The following CBL variants were observed in gnomAD, a reference collection of about 807,000 sequenced individuals.
CBL encodes E3 ubiquitin-protein ligase CBL.
CBL carries 45 observed loss-of-function variants against 96.9 expected under a neutral mutation model. The observed-to-expected ratio is 0.46, with a 90% CI of 0.37 to 0.60. The LOEUF is 0.60. Among genes scored for constraint, CBL ranks in the 20% least tolerant of loss-of-function variants. CBL has a pLI of 0.00. For synonymous variants in CBL, 420 were observed against 426.8 expected (o/e 0.98, Z 0.20); for missense variants, 1,024 against 1,143.5 (o/e 0.90, Z 1.51).
intron 9 of CBL, among the ~76,000 whole-genome samples, chr11:119,283,674 T>C (rs1949957170): frequency 7.3e-6 from 1 of 136,380 alleles, no homozygotes; most frequent in Non-Finnish European, 1.5e-5. Context: ...GTCTTGCTCT[T>C]TTGCCCAGGC....
At chr11:119,286,601 CAGT>C (rs1406474920) in intron 11 of CBL, among the ~76,000 whole-genome samples, 1 of 151,998 alleles carries the variant, frequency 6.6e-6, no homozygotes, top group Non-Finnish European at 1.5e-5. Flanking sequence ...GAAATTTTGT[CAGT>C]AGGAGAAAGA....
rs1387946965 is a variant in CBL, at chr11:119,278,197, C to T, written c.1127C>T (p.Ser376Phe). 2.5e-6 allele frequency: 4 copies of T among 1,609,702 alleles called. No homozygotes were observed. Among genetic ancestry groups the T allele is most frequent in the Non-Finnish European group, 3.4e-6 (4 of 1,176,310 alleles). ...TATGAATTATACTGTGAGATGGGCT[C>T]CACATTCCAACTATGTAAAATATGT... is the stretch of plus-strand genomic sequence containing the variant. The part of the protein sequence containing the change: ...EQYELYCEMG[S>F]TFQLCKICAE... The change falls in exon 8 of 16, where the codon TCC becomes TTC. Residue 376 changes from serine (S) to phenylalanine (F), a missense_variant. By Grantham distance (155) the Ser-to-Phe change is radical. This residue lies in a region of CBL where 695 missense variants were observed against 661.6 expected (regional missense o/e 1.05). Coordinates refer to ENST00000264033, the MANE Select transcript of CBL (RefSeq NM_005188.4).
At chr11:119,274,658 G>T (rs971479805) in intron 4 of CBL, among the ~76,000 whole-genome samples, 174 bp from the exon 5 acceptor site, 4 of 151,798 alleles carry the variant, frequency 2.6e-5, no homozygotes, top group African/African-American at 9.7e-5. Context: ...TTTCTTCGTA[G>T]CTTTTCAGAG....
rs61294763 is a variant in CBL at position 119,288,476 on chromosome 11, C to CAGAGAG, written c.2036+543_2036+548dup. ...TGGCCATCCTCAGTGTTTGCACAGA[C>CAGAGAG]AGAGAGAGAGAGAGAGAGCACGCAC... On this transcript the variant is annotated intron_variant, in intron 12 of 15. Transcript: ENST00000264033. Among the ~76,000 whole-genome samples, 4 of 150,804 alleles carry CAGAGAG rather than the reference C, an allele frequency of 2.7e-5. No individual in the cohort carries two copies. In the South Asian group the frequency reaches 6.3e-4, roughly 24 times the overall value.
At chr11:119,230,887 A>G (rs1949497261) in intron 1 of CBL, among the ~76,000 whole-genome samples, 1 of 152,250 alleles carries the variant, frequency 6.6e-6, no homozygotes, top group Non-Finnish European at 1.5e-5. Flanking sequence ...AAAATGGACT[A>G]AACTTACCAG....
At chr11:119,273,716 T>C (rs1393386160) in intron 3 of CBL, 152 bp from the exon 4 acceptor site, 5 of 741,248 alleles carry the variant, frequency 6.7e-6, no homozygotes, top group Admixed American at 2.4e-5. Flanking sequence ...CCTTCTTTCT[T>C]TTCTTAAAGA....
intron 12 of CBL, among the ~76,000 whole-genome samples, chr11:119,294,376 C>G (rs193040524): frequency 1.1e-3 from 164 of 151,540 alleles, no homozygotes; most frequent in Non-Finnish European, 2.0e-3. Context: ...TTGCAGTGAG[C>G]CAAGATCACG....
intron 1 of CBL, among the ~76,000 whole-genome samples, chr11:119,228,276 G>GT (rs1388654688): frequency 1.3e-5 from 2 of 151,968 alleles, no homozygotes; most frequent in African/African-American, 2.4e-5. Context: ...TCTACTTAAT[G>GT]TTTTTTTATA....
In CBL at chr11:119,307,883, T is replaced by C. The variant is rs536173940; in HGVS notation, c.*8102T>C. The C allele has an allele frequency of 5.0e-6, 1 of 201,198 alleles. No homozygotes were observed. Among genetic ancestry groups the C allele is most frequent in the East Asian group, 7.7e-5 (1 of 13,048 alleles). 12.5% of individuals were successfully genotyped at this position (201,198 alleles called of 1,614,324 possible). A position where few individuals can be genotyped will look rare whatever the true frequency, so the allele number is the denominator to read the frequency against. ...GTGTCATTAATATAAAAAATTTATA[T>C]TAGCAGTATTTAATCATTCTCACCT... On this transcript the variant is annotated 3_prime_UTR_variant, in exon 16 of 16. Transcript: ENST00000264033.
In CBL at chr11:119,298,092, AC is replaced by A. The variant is rs1380326548; in HGVS notation, c.2252-265del. Among the ~76,000 whole-genome samples, 5 of 152,236 alleles carry A rather than the reference AC, an allele frequency of 3.3e-5. No homozygotes were observed. In the East Asian group the frequency reaches 9.6e-4, roughly 29 times the overall value. ...AATGTTTATTGAATGATCTGAGATG[AC>A]ACTGGAGTCATTGGCATCGGTGGCT... On this transcript the variant is annotated intron_variant, in intron 14 of 15. Transcript: ENST00000264033.
At chr11:119,285,588 A>G (rs1040719049) in intron 11 of CBL, 22 bp downstream of exon 11, 7 of 1,611,998 alleles carry the variant, frequency 4.3e-6, no homozygotes, top group South Asian at 1.1e-5. Context: ...TTTTGAAACT[A>G]TCTAACCTGT....
chr11:119,239,185 G>A (rs545282335), intron 2 of CBL, among the ~76,000 whole-genome samples: 14 of 152,128 alleles, frequency 9.2e-5, no homozygotes, highest in Admixed American at 1.3e-4. Flanking sequence ...TGCCCATGCC[G>A]GTCTCAAACT....
chr11:119,267,910 G>C (rs746728984), intron 2 of CBL, among the ~76,000 whole-genome samples: 1 of 152,234 alleles, frequency 6.6e-6, no homozygotes, highest in African/African-American at 2.4e-5. Context: ...CACTGGGATT[G>C]TTGAGCATTT....
At position 119,303,338 on chromosome 11, in the gene CBL, G is replaced by A; in HGVS notation, c.*3557G>A. 1 of 233,344 alleles carries A rather than the reference G, an allele frequency of 4.3e-6. No individual in the cohort carries two copies. Among genetic ancestry groups the A allele is most frequent in the East Asian group, 6.0e-5 (1 of 16,532 alleles). 14.5% of individuals were successfully genotyped at this position (233,344 alleles called of 1,614,324 possible). Reference sequence around the variant, plus strand: ...ACTGTTCATTGAAAAATAGTTTTCTGACTATTGGTCTGGCTCTAACAGTTT... The same window carrying A: ...ACTGTTCATTGAAAAATAGTTTTCTAACTATTGGTCTGGCTCTAACAGTTT... On this transcript the variant is annotated 3_prime_UTR_variant, in exon 16 of 16. Transcript: ENST00000264033.
At chr11:119,277,105 G>A (rs1415114534) in intron 6 of CBL, among the ~76,000 whole-genome samples, 3 of 152,126 alleles carry the variant, frequency 2.0e-5, no homozygotes, top group Non-Finnish European at 4.4e-5. Context: ...AAGTTAGCCG[G>A]ACGTGGTGGT....
chr11:119,245,203 A>T, intron 2 of CBL, among the ~76,000 whole-genome samples: 1 of 145,768 alleles, frequency 6.9e-6, no homozygotes, highest in Non-Finnish European at 1.5e-5. Context: ...CCAGATATCT[A>T]CCTGCTTGTC....
chr11:119,245,956 CTTTTTTTTTTTTTTT>C lies in CBL; in HGVS notation c.443+13281_443+13295del, dbSNP rs71048054. Among the ~76,000 whole-genome samples the C allele has an allele frequency of 5.9e-3, 323 of 54,314 alleles. 1 individual carries two copies. The highest frequency in any genetic ancestry group is 0.037 in the Middle Eastern group (2 of 54). 35.6% of individuals were successfully genotyped at this position (54,314 alleles called of 152,430 possible). On this transcript the variant is annotated intron_variant, in intron 2 of 15. Coordinates refer to ENST00000264033, the MANE Select transcript of CBL (RefSeq NM_005188.4). ...TAAGACAGACGCATTCTTTGCAAAT[CTTTTTTTTTTTTTTT>C]TTTTTTTTTTTTTTTTTTTGAGGAG... is the stretch of plus-strand genomic sequence containing the variant.
At position 119,300,138 on chromosome 11, in the gene CBL, G is replaced by A. The variant is rs1413869799; in HGVS notation, c.*357G>A. The A allele has an allele frequency of 3.8e-6, 2 of 531,454 alleles. No individual in the cohort carries two copies. The highest frequency in any genetic ancestry group is 6.7e-6 in the Non-Finnish European group (2 of 300,482). 32.9% of individuals were successfully genotyped at this position (531,454 alleles called of 1,614,324 possible). A position where few individuals can be genotyped will look rare whatever the true frequency, so the allele number is the denominator to read the frequency against. On this transcript the variant is annotated 3_prime_UTR_variant, in exon 16 of 16. Transcript: ENST00000264033. Reference sequence around the variant, plus strand: ...ACTTAAGACTTCCTGGGTTAAGGATGTGGCCGTGTGTGTGTGTGTCTGCCT... The same window carrying A: ...ACTTAAGACTTCCTGGGTTAAGGATATGGCCGTGTGTGTGTGTGTCTGCCT...
chr11:119,225,465 C>G (rs1329902899), intron 1 of CBL, among the ~76,000 whole-genome samples: 2 of 152,136 alleles, frequency 1.3e-5, no homozygotes, highest in Admixed American at 6.6e-5. Flanking sequence ...GTGATGCAGT[C>G]TTGGTTCACT....
Sources: gnomAD v4.1 joint callset for allele counts (sites outside exome capture counted in the v4.1 genomes callset) on GRCh38, gnomAD v4.1.1 for gene constraint, gnomAD v4.1.1 regional missense constraint, MANE v1.5 for transcripts, NCBI Gene and HGNC (gene_info 2026-07-23, HGNC 2026-07-21) for gene names.